IFI16: variants seen among roughly 807,000 people sequenced by gnomAD.
IFI16 encodes the protein interferon gamma inducible protein 16, also known as gamma-interferon-inducible protein 16.
Under a neutral mutation model 68.4 loss-of-function variants are expected in IFI16, and 49 were observed. The ratio of observed to expected loss-of-function variants is 0.72; its 90% CI spans 0.57 to 0.91. IFI16 has a LOEUF of 0.91. IFI16 is among the 40% of genes least tolerant of loss of function. The pLI, the probability that IFI16 is intolerant of heterozygous loss-of-function variation, is 0.00. For missense variants in IFI16, 878 were observed against 942.9 expected, an observed-to-expected ratio of 0.93 and a Z score of 0.90; for synonymous variants, 307 against 315.0, an observed-to-expected ratio of 0.97 and a Z score of 0.27.
At position 159,053,688 on chromosome 1, in the gene IFI16, C is replaced by T. The variant is rs753132913; in HGVS notation, c.2241C>T (p.Thr747=). The change falls in exon 11 of 12, where the codon ACC becomes ACT. Residue 747 remains threonine (T), a synonymous_variant. Transcript: ENST00000295809. ...CFELAPKSGN[T]GELRSVIHSH... is the part of the protein sequence containing the mutation. ...AATTGGCACCGAAAAGTGGGAATAC[C>T]GGGGAGTTGAGATCTGTAATTCATA... 6.8e-6 allele frequency: 11 copies of T among 1,613,542 alleles called. No individual in the cohort carries two copies. Among genetic ancestry groups the T allele is most frequent in the South Asian group, 2.2e-5 (2 of 91,070 alleles).
Position 159,018,240 on chromosome 1 carries a change from A to G in IFI16, c.561A>G (p.Thr187=). ...PNSSSTENPK[T]VAKCQVTPRR... ...GCTATCATACACAGAACCCGAAAAC[A>G]GTGGCCAAATGTCAGGTAACTCCCA... Residue 187 remains threonine, a synonymous_variant, in exon 5 of 12, where the codon ACA becomes ACG. Coordinates refer to ENST00000295809, the MANE Select transcript of IFI16 (RefSeq NM_001376587.1). 6.2e-7 allele frequency: 1 copy of G among 1,613,252 alleles called. No individual in the cohort carries two copies. Among genetic ancestry groups the G allele is most frequent in the Non-Finnish European group, 8.5e-7 (1 of 1,179,556 alleles).
At chr1:159,030,529 G>A (rs2101866809) in intron 6 of IFI16, among the ~76,000 whole-genome samples, 1 of 152,196 alleles carries the variant, frequency 6.6e-6, no homozygotes, top group Middle Eastern at 3.4e-3. Flanking sequence ...CAAAGGATGG[G>A]GCTTCCTGAG....
rs139803228 is a variant in IFI16, at chr1:159,053,972, T to C, written c.2277+248T>C. Among the ~76,000 whole-genome samples the C allele has an allele frequency of 6.4e-3, 979 of 152,344 alleles. 14 individuals are homozygous for C. Among genetic ancestry groups the C allele is most frequent in the African/African-American group, 0.022 (930 of 41,590 alleles). On this transcript the variant is annotated intron_variant, in intron 11 of 11. Transcript: ENST00000295809. Reference sequence around the variant, plus strand: ...TAAATAAGAAAGAATTGGTTGCTTTTACCACAATGTGGAGATAATTTAATA... The same window carrying C: ...TAAATAAGAAAGAATTGGTTGCTTTCACCACAATGTGGAGATAATTTAATA...
chr1:159,015,852 T>C lies in IFI16; in HGVS notation c.266-20T>C. The C allele has an allele frequency of 1.3e-6, 2 of 1,556,346 alleles. No homozygotes were observed. Among genetic ancestry groups the C allele is most frequent in the Non-Finnish European group, 1.8e-6 (2 of 1,130,002 alleles). ...TCCTTTTTTCTGCATTGGTTGGGAA[T>C]AAAATTGAATCTATTCCAGTAAAAG... is the stretch of plus-strand genomic sequence containing the variant. On this transcript the variant is annotated intron_variant, in intron 2 of 11. Coordinates refer to ENST00000295809, the MANE Select transcript of IFI16 (RefSeq NM_001376587.1).
intron 7 of IFI16, among the ~76,000 whole-genome samples, chr1:159,037,819 G>A (rs971386450): frequency 1.3e-5 from 2 of 151,762 alleles, no homozygotes; most frequent in Admixed American, 6.6e-5. Context: ...CTACAACTGG[G>A]TCAACATAAA....
At chr1:159,030,452 AG>A (rs1241329208) in intron 6 of IFI16, among the ~76,000 whole-genome samples, 2 of 152,122 alleles carry the variant, frequency 1.3e-5, no homozygotes, top group African/African-American at 4.8e-5. Context: ...CTGGGACTCA[AG>A]GGCTGCTGTT....
chr1:159,034,063 A>C (rs1396320859), intron 7 of IFI16, among the ~76,000 whole-genome samples: 1 of 152,200 alleles, frequency 6.6e-6, no homozygotes, highest in Non-Finnish European at 1.5e-5. Context: ...TAAGTTCTTC[A>C]ATATTTCTAA....
Position 159,015,807 on chromosome 1 carries a change from C to T in IFI16, c.266-65C>T, listed in dbSNP as rs562079690. On this transcript the variant is annotated intron_variant, in intron 2 of 11. Transcript: ENST00000295809. ...ATTGTATTGAAACTGCTTCAGCTGT[C>T]GGAGATCGTTTATATGTCTTCCTTT... is the stretch of plus-strand genomic sequence containing the variant. The T allele has an allele frequency of 3.7e-4, 438 of 1,176,712 alleles. 1 individual carries two copies. In the African/African-American group the frequency reaches 5.8e-3, roughly 16 times the overall value. The allele number at this position is 1,176,712 out of a possible 1,614,324, so 72.9% of individuals were successfully genotyped here. A position where few individuals can be genotyped will look rare whatever the true frequency, so the allele number is the denominator to read the frequency against.
chr1:159,037,545 C>T (rs868778245), intron 7 of IFI16, among the ~76,000 whole-genome samples: 3 of 152,096 alleles, frequency 2.0e-5, no homozygotes, highest in Non-Finnish European at 2.9e-5. Context: ...GAATCATGAT[C>T]GGGTATGGTA....
In IFI16 at chr1:159,032,646, T is replaced by C. The variant is rs1480598957; in HGVS notation, c.1284T>C (p.Thr428=). 1.2e-6 allele frequency: 2 copies of C among 1,608,128 alleles called. No homozygotes were observed. The highest frequency in any genetic ancestry group is 1.7e-5 in the Admixed American group (1 of 58,254). The change falls in exon 7 of 12, where the codon ACT becomes ACC. Residue 428 remains threonine (T), a synonymous_variant. Transcript: ENST00000295809. ...CCTTCCCTGAGAGCCATCTTCGGAC[T>C]CCTCAGATGCCACCAACAACTCCAT... ...STTFPESHLR[T]PQMPPTTPSS...
chr1:159,031,804 T>C (rs1654017258), intron 6 of IFI16, among the ~76,000 whole-genome samples: 1 of 152,192 alleles, frequency 6.6e-6, no homozygotes, highest in Non-Finnish European at 1.5e-5. Context: ...ATGATGTTCC[T>C]CATAGGCTTC....
intron 1 of IFI16, among the ~76,000 whole-genome samples, chr1:159,012,137 A>T (rs1652608779): frequency 1.3e-5 from 2 of 152,078 alleles, no homozygotes; most frequent in African/African-American, 4.8e-5. Flanking sequence ...TATTATTTTC[A>T]ATAGATGTTT....
intron 7 of IFI16, among the ~76,000 whole-genome samples, chr1:159,041,577 GC>G (rs959956427): frequency 2.6e-5 from 4 of 152,118 alleles, no homozygotes; most frequent in African/African-American, 9.7e-5. Context: ...TCTGAGTCAT[GC>G]CCCCCTCATC....
chr1:159,042,236 T>C (rs1654692002), intron 7 of IFI16, among the ~76,000 whole-genome samples: 1 of 152,224 alleles, frequency 6.6e-6, no homozygotes, highest in African/African-American at 2.4e-5. Context: ...TTGTGTGTGA[T>C]ATGGATTATT....
chr1:159,042,701 A>G lies in IFI16; in HGVS notation c.1330-2596A>G, dbSNP rs145587930. Among the ~76,000 whole-genome samples the G allele has an allele frequency of 3.5e-3, 527 of 152,332 alleles. 1 individual carries two copies. The highest frequency in any genetic ancestry group is 6.5e-3 in the Non-Finnish European group (442 of 68,026). On this transcript the variant is annotated intron_variant, in intron 7 of 11. Transcript: ENST00000295809. ...TTTCTTTAGAGCATTTATCATAGCT[A>G]TAATAAACCTATGACTTTCTTCCCT...
intron 8 of IFI16, among the ~76,000 whole-genome samples, chr1:159,047,365 G>T (rs1655058234): frequency 6.7e-6 from 1 of 148,498 alleles, no homozygotes; most frequent in Non-Finnish European, 1.5e-5. Context: ...TGTAACTGTT[G>T]CCATCTTGGG....
intron 6 of IFI16, among the ~76,000 whole-genome samples, chr1:159,031,598 C>T (rs1417005277): frequency 6.6e-6 from 1 of 152,220 alleles, no homozygotes; most frequent in Non-Finnish European, 1.5e-5. Context: ...ACTTGTGATC[C>T]AGACCTTCAG....
At chr1:159,048,322 T>G (rs1655122240) in intron 8 of IFI16, among the ~76,000 whole-genome samples, 1 of 151,472 alleles carries the variant, frequency 6.6e-6, no homozygotes, top group Non-Finnish European at 1.5e-5. Context: ...CATACAAAAA[T>G]GCTATGGCTA....
At chr1:159,015,526 C>G (rs1361564) in intron 2 of IFI16, 15,187 of 173,702 alleles carry the variant, frequency 0.087, 740 homozygotes, top group Middle Eastern at 0.12. Flanking sequence ...CTAGCAGTCT[C>G]CATCATGAAA....
Sources: allele counts gnomAD v4.1 joint callset (sites outside exome capture counted in the v4.1 genomes callset), GRCh38; gene constraint gnomAD v4.1.1; transcripts MANE v1.5; gene names NCBI Gene and HGNC (gene_info 2026-07-23, HGNC 2026-07-21).